FAM120A: variants seen among roughly 807,000 people sequenced by gnomAD.
FAM120A encodes the protein family with sequence similarity 120 member A, also known as constitutive coactivator of PPAR-gamma-like protein 1.
In FAM120A, 15 loss-of-function variants were observed where a neutral mutation model predicts 109.7. The ratio of observed to expected loss-of-function variants is 0.14; its 90% CI spans 0.09 to 0.21. The LOEUF (loss-of-function observed/expected upper bound fraction) is 0.21. Ranked by LOEUF, FAM120A falls within the 10% of genes least tolerant of loss-of-function variation. The probability of loss-of-function intolerance (pLI) is 1.00; values close to 1 mark genes in which losing one functional copy is unlikely to be tolerated. For missense variants in FAM120A, 899 were observed against 1,439.3 expected (o/e 0.62, Z 6.07); for synonymous variants, 493 against 572.8 (o/e 0.86, Z 1.99).
At chr9:93,483,006 G>A (rs1169971742) in intron 3 of FAM120A, among the ~76,000 whole-genome samples, 3 of 152,218 alleles carry the variant, frequency 2.0e-5, no homozygotes, top group Non-Finnish European at 4.4e-5. Context: ...CATTTACCAC[G>A]TAACCTTGCT....
intron 1 of FAM120A, among the ~76,000 whole-genome samples, chr9:93,463,698 T>TAGAA (rs2131226055): frequency 6.6e-6 from 1 of 152,338 alleles, no homozygotes; most frequent in African/African-American, 2.4e-5. Flanking sequence ...TATGTCAGGT[T>TAGAA]GTTTTATATC....
Position 93,529,340 on chromosome 9 carries a change from C to T in FAM120A, c.1507-13C>T. ...TACACTCGTTTTCCTCCCTTCTGCTCTCTGCACTGTAGGCAGAAGGCTCGT... is the reference window on the plus strand; with the variant it reads ...TACACTCGTTTTCCTCCCTTCTGCTTTCTGCACTGTAGGCAGAAGGCTCGT... On this transcript the variant is annotated splice_polypyrimidine_tract_variant and intron_variant, in intron 8 of 17. Coordinates refer to ENST00000277165, the MANE Select transcript of FAM120A (RefSeq NM_014612.5). 6.3e-7 allele frequency: 1 copy of T among 1,586,266 alleles called. No individual in the cohort carries two copies. The highest frequency in any genetic ancestry group is 8.6e-7 in the Non-Finnish European group (1 of 1,166,776).
chr9:93,511,117 G>A (rs569688494), intron 5 of FAM120A, among the ~76,000 whole-genome samples: 5 of 152,024 alleles, frequency 3.3e-5, no homozygotes, highest in Admixed American at 6.5e-5. Context: ...ATTTGCTTCC[G>A]TGGTTTAATT....
rs1857220698 is a variant in FAM120A, at chr9:93,451,732, A to G, written c.-184A>G. 4.2e-6 allele frequency: 4 copies of G among 962,702 alleles called. No homozygotes were observed. The highest frequency in any genetic ancestry group is 4.8e-6 in the Non-Finnish European group (4 of 826,024). 59.6% of individuals were successfully genotyped at this position (962,702 alleles called of 1,614,324 possible). ...CGGCGGCGGCGGCAGGTCCCTCCCCAGACATGGCCCTGGGAGGCGGCAGCA... is the reference window on the plus strand; with the variant it reads ...CGGCGGCGGCGGCAGGTCCCTCCCCGGACATGGCCCTGGGAGGCGGCAGCA... On this transcript the variant is annotated 5_prime_UTR_variant, in exon 1 of 18. Coordinates refer to ENST00000277165, the MANE Select transcript of FAM120A (RefSeq NM_014612.5).
chr9:93,467,675 A>G (rs570861445), intron 1 of FAM120A, among the ~76,000 whole-genome samples: 77 of 152,264 alleles, frequency 5.1e-4, no homozygotes, highest in African/African-American at 1.4e-3. Context: ...TAGCAGTCAG[A>G]TGTTTGTTTA....
chr9:93,478,330 T>G (rs1564316149), intron 3 of FAM120A, among the ~76,000 whole-genome samples: 1 of 151,972 alleles, frequency 6.6e-6, no homozygotes, highest in Non-Finnish European at 1.5e-5. Context: ...TGCATTTTGA[T>G]ATTAGCTGAG....
intron 5 of FAM120A, among the ~76,000 whole-genome samples, chr9:93,510,386 C>G (rs895816444): frequency 6.6e-6 from 1 of 152,196 alleles, no homozygotes; most frequent in African/African-American, 2.4e-5. Context: ...CAGTGTGTGT[C>G]TTCCCAAAGT....
In FAM120A at chr9:93,451,822, C is replaced by G; in HGVS notation, c.-94C>G. The G allele has an allele frequency of 1.0e-6, 1 of 964,650 alleles. No individual in the cohort carries two copies. Among genetic ancestry groups the G allele is most frequent in the Non-Finnish European group, 1.2e-6 (1 of 815,020 alleles). 59.8% of individuals were successfully genotyped at this position (964,650 alleles called of 1,614,324 possible). On this transcript the variant is annotated 5_prime_UTR_variant, in exon 1 of 18. Transcript: ENST00000277165. ...CCCCAGTCCCCCCTAGAGGCCGCCG[C>G]CCCCGCCCGCCAGCCCGCCCGCGCG...
At chr9:93,479,163 A>G (rs1019889010) in intron 3 of FAM120A, among the ~76,000 whole-genome samples, 25 of 122,742 alleles carry the variant, frequency 2.0e-4, no homozygotes, top group Non-Finnish European at 3.8e-4. Context: ...CAGTGGCGGG[A>G]TCTCGGCTCA....
intron 7 of FAM120A, among the ~76,000 whole-genome samples, chr9:93,525,692 C>T (rs1478693104): frequency 6.6e-6 from 1 of 152,166 alleles, no homozygotes; most frequent in East Asian, 1.9e-4. Context: ...GCTCACAATG[C>T]GCCCTCAGTG....
Position 93,452,149 on chromosome 9 carries a change from G to A in FAM120A, c.234G>A (p.Leu78=). ...AGTGGAACCACATGCTTGGCTACCT[G>A]GCGGCGCTGGCCAAGGCCTGCTTCG... ...GGQWNHMLGY[L]AALAKACFGG... The change falls in exon 1 of 18, where the codon CTG becomes CTA. Residue 78 remains leucine, a synonymous_variant. Transcript: ENST00000277165. The surrounding 1 kb of genome is among the most constrained non-coding windows in gnomAD (Gnocchi z 7.0). The A allele has an allele frequency of 6.2e-7, 1 of 1,611,886 alleles. No homozygotes were observed.
chr9:93,470,065 A>G (rs961685021), intron 1 of FAM120A, among the ~76,000 whole-genome samples: 1 of 152,190 alleles, frequency 6.6e-6, no homozygotes, highest in African/African-American at 2.4e-5. Context: ...CTTTCTCTCA[A>G]TGTAGCCACA....
intron 3 of FAM120A, among the ~76,000 whole-genome samples, chr9:93,490,190 G>A (rs543188242): frequency 6.6e-6 from 1 of 152,278 alleles, no homozygotes; most frequent in South Asian, 2.1e-4. Flanking sequence ...CCCCTTCACT[G>A]TTTTCCACTT....
chr9:93,485,484 C>T (rs1244636888), intron 3 of FAM120A, among the ~76,000 whole-genome samples: 1 of 152,138 alleles, frequency 6.6e-6, no homozygotes, highest in Non-Finnish European at 1.5e-5. Flanking sequence ...GTAGTCCCAA[C>T]TACTTGACAG....
chr9:93,562,908 G>T (rs969833749), intron 17 of FAM120A, among the ~76,000 whole-genome samples: 1 of 152,044 alleles, frequency 6.6e-6, no homozygotes, highest in Non-Finnish European at 1.5e-5. Context: ...CAGGTGATCC[G>T]CCCGCCTTGG....
chr9:93,463,158 C>T (rs1413491123), intron 1 of FAM120A, among the ~76,000 whole-genome samples: 1 of 152,126 alleles, frequency 6.6e-6, no homozygotes, highest in Non-Finnish European at 1.5e-5. Context: ...TGTTTTTCTC[C>T]ATATATTCTT....
intron 10 of FAM120A, among the ~76,000 whole-genome samples, chr9:93,539,093 G>A (rs1861615242): frequency 6.6e-6 from 1 of 151,930 alleles, no homozygotes; most frequent in South Asian, 2.1e-4. Flanking sequence ...CGCCTCCTGG[G>A]TTGGCACCAT....
At position 93,452,406 on chromosome 9, in the gene FAM120A, G is replaced by T; in HGVS notation, c.474+17G>T. ...CACGTCAAGGTGAGGCCGGGGATCC[G>T]GGCGGGCCGGGGACCGGGGCCGCGC... On this transcript the variant is annotated intron_variant, in intron 1 of 17. Transcript: ENST00000277165. This position sits in a 1 kb window ranked among gnomAD's most constrained non-coding sequence, Gnocchi z 7.0. 1.9e-6 allele frequency: 3 copies of T among 1,590,702 alleles called. No individual in the cohort carries two copies. Among genetic ancestry groups the T allele is most frequent in the Non-Finnish European group, 2.6e-6 (3 of 1,169,684 alleles).
chr9:93,452,475 C>T lies in FAM120A; in HGVS notation c.474+86C>T. On this transcript the variant is annotated intron_variant, in intron 1 of 17. Transcript: ENST00000277165. The surrounding 1 kb of genome is among the most constrained non-coding windows in gnomAD (Gnocchi z 7.0). ...CCCAGGGCGCAGAATGTCGCCCGGC[C>T]GTGGCGGCGCTGGGGGCAGCGAGTT... is the stretch of plus-strand genomic sequence containing the variant. The T allele has an allele frequency of 3.9e-6, 6 of 1,544,674 alleles. No individual in the cohort carries two copies. The highest frequency in any genetic ancestry group is 5.2e-6 in the Non-Finnish European group (6 of 1,149,066).
Sources: gnomAD v4.1 joint callset for allele counts (sites outside exome capture counted in the v4.1 genomes callset) on GRCh38, gnomAD v4.1.1 for gene constraint, Gnocchi (gnomAD v3.1) non-coding constraint, MANE v1.5 for transcripts, NCBI Gene and HGNC (gene_info 2026-07-23, HGNC 2026-07-21) for gene names.